The following DOCK4 variants were observed in gnomAD, a reference collection of about 807,000 sequenced individuals.
The protein encoded by DOCK4 is dedicator of cytokinesis protein 4.
Under a neutral mutation model 268.1 loss-of-function variants are expected in DOCK4, and 97 were observed. That is an observed-to-expected ratio of 0.36 (90% CI 0.31 to 0.43). DOCK4 has a LOEUF of 0.43. Among genes scored for constraint, DOCK4 ranks in the 20% least tolerant of loss-of-function variants. The pLI, the probability that DOCK4 is intolerant of heterozygous loss-of-function variation, is 1.00. For synonymous variants in DOCK4, 954 were observed against 887.2 expected, an observed-to-expected ratio of 1.08 and a Z score of -1.34; for missense variants, 2,145 against 2,455.7, an observed-to-expected ratio of 0.87 and a Z score of 2.67.
chr7:111,728,780 G>C, intron 52 of DOCK4, 60 bp from the exon 53 acceptor site: 1 of 1,483,998 alleles, frequency 6.7e-7, no homozygotes, highest in Non-Finnish European at 9.0e-7. Flanking sequence ...ACGCAGATGC[G>C]CTGAAATGTA....
intron 8 of DOCK4, among the ~76,000 whole-genome samples, chr7:111,953,059 C>T (rs1244410289): frequency 6.6e-6 from 1 of 151,912 alleles, no homozygotes; most frequent in East Asian, 1.9e-4. Flanking sequence ...AACCTTGTCT[C>T]TACAAAAAAT....
chr7:111,777,664 T>C (rs1013940566), intron 36 of DOCK4, among the ~76,000 whole-genome samples: 2 of 152,180 alleles, frequency 1.3e-5, no homozygotes, highest in African/African-American at 4.8e-5. Flanking sequence ...TCATCTTCAA[T>C]TGTAGCTGCC....
At chr7:111,980,103 A>G (rs1311277038) in intron 7 of DOCK4, among the ~76,000 whole-genome samples, 2 of 152,156 alleles carry the variant, frequency 1.3e-5, no homozygotes, top group Non-Finnish European at 2.9e-5. Context: ...TCTTTCGAGT[A>G]ATTATGGGCT....
chr7:112,053,881 C>A (rs1187859506), intron 1 of DOCK4, among the ~76,000 whole-genome samples: 2 of 152,148 alleles, frequency 1.3e-5, no homozygotes, highest in Non-Finnish European at 2.9e-5. Flanking sequence ...GGAGCTGTTC[C>A]TGGAAGGGGG....
chr7:112,083,177 C>A (rs1480993485), intron 1 of DOCK4, among the ~76,000 whole-genome samples: 2 of 151,946 alleles, frequency 1.3e-5, no homozygotes, highest in Non-Finnish European at 2.9e-5. Flanking sequence ...GTAGTTTAGG[C>A]AGATTAATTA....
intron 27 of DOCK4, chr7:111,821,585 A>G (rs1801984976): frequency 6.6e-6 from 1 of 152,284 alleles, no homozygotes; most frequent in African/African-American, 2.4e-5. Flanking sequence ...CTCTTCTAGT[A>G]TTGCTCTCAG....
At chr7:112,042,958 G>GC (rs1804521509) in intron 1 of DOCK4, among the ~76,000 whole-genome samples, 2 of 152,094 alleles carry the variant, frequency 1.3e-5, no homozygotes, top group Admixed American at 6.6e-5. Flanking sequence ...GCACCGCCCC[G>GC]CCCGCAAGTT....
intron 2 of DOCK4, among the ~76,000 whole-genome samples, chr7:112,002,208 C>A (rs768777263): frequency 2.6e-5 from 4 of 152,106 alleles, no homozygotes; most frequent in Admixed American, 1.3e-4. Context: ...GCAGAATGAA[C>A]TGAAAATCAG....
intron 1 of DOCK4, among the ~76,000 whole-genome samples, chr7:112,063,795 T>C (rs1455443855): frequency 2.0e-5 from 3 of 152,232 alleles, no homozygotes; most frequent in African/African-American, 7.2e-5. Flanking sequence ...AGCCTACTTA[T>C]GTTTTACAGT....
intron 1 of DOCK4, among the ~76,000 whole-genome samples, chr7:112,026,905 G>T (rs1012719312): frequency 6.6e-6 from 1 of 152,132 alleles, no homozygotes; most frequent in African/African-American, 2.4e-5. Flanking sequence ...TGCAACAAAA[G>T]TTCAAATTAA....
Position 111,728,573 on chromosome 7 carries a change from G to A in DOCK4, c.5629C>T (p.Gln1877Ter). 6.2e-7 allele frequency: 1 copy of A among 1,614,024 alleles called. No homozygotes were observed. Among genetic ancestry groups the A allele is most frequent in the Admixed American group, 1.7e-5 (1 of 60,032 alleles). The change falls in exon 53 of 53, where the codon CAG (glutamine) becomes TAG (stop). Residue 1877 changes from glutamine to a stop codon, truncating the protein, a stop_gained. Coordinates refer to ENST00000428084, the MANE Select transcript of DOCK4 (RefSeq NM_001363540.2). LOFTEE classifies it high-confidence loss of function. The part of the protein sequence containing the change: ...STSETSGFEN[Q>*]VNEQSAPLPV... ...AGGGGGGCCGACTGTTCATTCACCT[G>A]ATTTTCAAAGCCTGAGGTTTCCGAC...
At chr7:111,873,377 G>A (rs953935288) in intron 17 of DOCK4, among the ~76,000 whole-genome samples, 1 of 152,212 alleles carries the variant, frequency 6.6e-6, no homozygotes, top group Non-Finnish European at 1.5e-5. Context: ...TGCAGGGAGA[G>A]GTGGCATCTG....
chr7:112,136,196 G>C (rs186202281), intron 1 of DOCK4, among the ~76,000 whole-genome samples: 1 of 151,910 alleles, frequency 6.6e-6, no homozygotes, highest in Non-Finnish European at 1.5e-5. Flanking sequence ...GAATGAAACC[G>C]GTTTCATTTT....
intron 52 of DOCK4, among the ~76,000 whole-genome samples, chr7:111,730,587 T>C (rs1194659323): frequency 1.3e-5 from 2 of 152,068 alleles, no homozygotes; most frequent in Non-Finnish European, 2.9e-5. Context: ...GCAGGTCAGC[T>C]CAGTCTTCGC....
At chr7:112,018,179 A>AAAAAAAAAAAAAAAAAAAACACAC in intron 1 of DOCK4, among the ~76,000 whole-genome samples, 2 of 72,588 alleles carry the variant, frequency 2.8e-5, no homozygotes, top group African/African-American at 5.4e-5. Flanking sequence ...AAAAAAAAAA[A>AAAAAAAAAAAAAAAAAAAACACAC]ACACAGGCAA....
chr7:111,869,589 G>C lies in DOCK4; in HGVS notation c.2094C>G (p.Ile698Met). 6.2e-7 allele frequency: 1 copy of C among 1,613,406 alleles called. No homozygotes were observed. Among genetic ancestry groups the C allele is most frequent in the Non-Finnish European group, 8.5e-7 (1 of 1,179,510 alleles). Reference protein sequence around the residue: ...RITEAERQEHIQEVLKAQEYI... With the variant: ...RITEAERQEHMQEVLKAQEYI... ...ATGTTATCACCTTCAGCACCTCCTG[G>C]ATATGCTCTTGCCGCTCTGCTTCTG... The change falls in exon 21 of 53, where the codon ATC (isoleucine) becomes ATG (methionine). Residue 698 changes from isoleucine to methionine, a missense_variant. Around this residue, in one of 2 missense-constraint regions of DOCK4, gnomAD observed 1,598 missense variants for 1,986.7 expected, o/e 0.80. Coordinates refer to ENST00000428084, the MANE Select transcript of DOCK4 (RefSeq NM_001363540.2).
intron 8 of DOCK4, chr7:111,971,641 C>T: frequency 4.4e-6 from 1 of 228,746 alleles, no homozygotes; most frequent in Non-Finnish European, 8.5e-6. Flanking sequence ...GACACATCCC[C>T]TTTGCCACAG....
chr7:112,128,724 G>T (rs552000087), intron 1 of DOCK4, among the ~76,000 whole-genome samples: 1 of 151,874 alleles, frequency 6.6e-6, no homozygotes, highest in Non-Finnish European at 1.5e-5. Context: ...CAGCATGCTC[G>T]TTAAGAGTCA....
At chr7:112,128,332 G>A (rs564461001) in intron 1 of DOCK4, among the ~76,000 whole-genome samples, 17 of 152,078 alleles carry the variant, frequency 1.1e-4, no homozygotes, top group Admixed American at 8.5e-4. Context: ...CGCCCCGTCC[G>A]GGAGGTGAGG....
Sources: allele counts gnomAD v4.1 joint callset (sites outside exome capture counted in the v4.1 genomes callset), GRCh38; gene constraint gnomAD v4.1.1; regional missense constraint gnomAD v4.1.1; transcripts MANE v1.5; gene names NCBI Gene and HGNC (gene_info 2026-07-23, HGNC 2026-07-21).